The following NELL1 variants were observed in gnomAD, a reference collection of about 807,000 sequenced individuals.
NELL1 encodes the protein neural EGFL like 1, also known as protein kinase C-binding protein NELL1.
NELL1 carries 76 observed loss-of-function variants against 107.4 expected under a neutral mutation model. The observed-to-expected ratio is 0.71, with a 90% CI of 0.59 to 0.86. NELL1 has a LOEUF of 0.86. NELL1 is among the 40% of genes least tolerant of loss of function. NELL1 has a pLI of 0.00. For synonymous variants in NELL1, 353 were observed against 341.2 expected (o/e 1.03, Z -0.38); for missense variants, 1,024 against 1,005.5 (o/e 1.02, Z -0.25).
intron 12 of NELL1, among the ~76,000 whole-genome samples, chr11:21,071,754 C>T (rs778791577): frequency 1.3e-5 from 2 of 152,266 alleles, no homozygotes; most frequent in African/African-American, 2.4e-5. Flanking sequence ...AATCAAAGCT[C>T]GGCTCTAAGA....
chr11:20,820,190 T>C (rs927958942), intron 3 of NELL1, among the ~76,000 whole-genome samples: 5 of 152,104 alleles, frequency 3.3e-5, no homozygotes, highest in African/African-American at 1.2e-4. Flanking sequence ...TGGAGAACAG[T>C]GATGTTTTGA....
chr11:20,780,883 G>T (rs1396317529), intron 2 of NELL1, among the ~76,000 whole-genome samples: 1 of 152,128 alleles, frequency 6.6e-6, no homozygotes, highest in Non-Finnish European at 1.5e-5. Flanking sequence ...AGTGTGAATG[G>T]GGTGGGAAAG....
chr11:20,871,635 T>TA (rs1849199644), intron 4 of NELL1, among the ~76,000 whole-genome samples: 2 of 95,448 alleles, frequency 2.1e-5, no homozygotes, highest in Admixed American at 2.4e-4. Flanking sequence ...CTTTCTCATT[T>TA]TTTTTTTATT....
chr11:21,313,992 G>GCCACCC (rs1849809609), intron 14 of NELL1, among the ~76,000 whole-genome samples: 2 of 55,580 alleles, frequency 3.6e-5, no homozygotes, highest in African/African-American at 6.6e-5. Flanking sequence ...CCTACACTCT[G>GCCACCC]CCCCCCCCCC....
intron 17 of NELL1, among the ~76,000 whole-genome samples, chr11:21,562,057 G>T (rs1041121067): frequency 6.6e-6 from 1 of 151,898 alleles, no homozygotes; most frequent in African/African-American, 2.4e-5. Flanking sequence ...TCCTTTTTGG[G>T]CTTTCTAGGT....
intron 4 of NELL1, among the ~76,000 whole-genome samples, chr11:20,848,433 G>A (rs368011675): frequency 2.3e-4 from 35 of 152,216 alleles, no homozygotes; most frequent in Middle Eastern, 3.4e-3. Context: ...GGAGTCCATT[G>A]GTTTCTATTG....
intron 2 of NELL1, among the ~76,000 whole-genome samples, chr11:20,732,741 T>C (rs185912336): frequency 5.3e-5 from 8 of 152,242 alleles, no homozygotes; most frequent in Admixed American, 5.2e-4. Flanking sequence ...AGAGAGAAAA[T>C]CCTGGAAAGT....
intron 12 of NELL1, among the ~76,000 whole-genome samples, chr11:20,983,250 C>T (rs1851784951): frequency 6.6e-6 from 1 of 152,080 alleles, no homozygotes; most frequent in Non-Finnish European, 1.5e-5. Flanking sequence ...GAATTTGTGC[C>T]ACCTCTTGGC....
At chr11:20,747,386 A>G (rs548571345) in intron 2 of NELL1, among the ~76,000 whole-genome samples, 1 of 152,340 alleles carries the variant, frequency 6.6e-6, no homozygotes, top group East Asian at 1.9e-4. Flanking sequence ...ATGAAAAGGA[A>G]GAGCTATTCA....
At chr11:20,854,131 AC>A (rs1410536974) in intron 4 of NELL1, among the ~76,000 whole-genome samples, 6 of 152,200 alleles carry the variant, frequency 3.9e-5, no homozygotes, top group African/African-American at 1.4e-4. Flanking sequence ...CCTAAAGCCC[AC>A]ATGGATGAGC....
chr11:20,760,956 G>T (rs1488898042), intron 2 of NELL1, among the ~76,000 whole-genome samples: 1 of 152,146 alleles, frequency 6.6e-6, no homozygotes, highest in Non-Finnish European at 1.5e-5. Flanking sequence ...TTCTCAGAGT[G>T]CCAAAAGCCG....
chr11:20,875,219 A>G (rs1455084861), intron 4 of NELL1, among the ~76,000 whole-genome samples: 1 of 151,998 alleles, frequency 6.6e-6, no homozygotes, highest in African/African-American at 2.4e-5. Flanking sequence ...TTACCCTTAG[A>G]TCTCACATTC....
At chr11:21,494,886 T>C (rs951861696) in intron 15 of NELL1, among the ~76,000 whole-genome samples, 5 of 152,080 alleles carry the variant, frequency 3.3e-5, no homozygotes, top group African/African-American at 9.7e-5. Context: ...CAATATTTAT[T>C]CTTTTTTAGA....
At chr11:20,860,436 C>G (rs570407120) in intron 4 of NELL1, among the ~76,000 whole-genome samples, 25 of 152,278 alleles carry the variant, frequency 1.6e-4, no homozygotes, top group African/African-American at 5.8e-4. Context: ...CTTGTGGCCA[C>G]TGATCCTCAC....
intron 14 of NELL1, among the ~76,000 whole-genome samples, chr11:21,338,825 A>G (rs774549543): frequency 3.3e-5 from 5 of 152,198 alleles, no homozygotes; most frequent in Non-Finnish European, 5.9e-5. Context: ...GCAAAGTTTC[A>G]AGAGGAGCAG....
chr11:21,442,942 CTTTTTTTTTTTT>C (rs66501874), intron 15 of NELL1, among the ~76,000 whole-genome samples: 10 of 57,566 alleles, frequency 1.7e-4, no homozygotes, highest in African/African-American at 2.5e-4. Flanking sequence ...GCTATCTTTC[CTTTTTTTTTTTT>C]TTTTTTTTTT....
At chr11:20,843,195 T>C (rs1331307777) in intron 3 of NELL1, among the ~76,000 whole-genome samples, 5 of 152,042 alleles carry the variant, frequency 3.3e-5, no homozygotes, top group Non-Finnish European at 7.4e-5. Context: ...CTGCTAGGGG[T>C]ACACGCTGGG....
rs1849990976 is a variant in NELL1, at chr11:20,906,064, A to G, written c.604-12118A>G. ...CAAGACATGACTGTCAAATACAAGG[A>G]CTTCTTCATGAGATTAGCAGTAAAT... On this transcript the variant is annotated intron_variant, in intron 5 of 19. Transcript: ENST00000357134. Among the ~76,000 whole-genome samples, 4 of 152,100 alleles carry G rather than the reference A, an allele frequency of 2.6e-5. No individual in the cohort carries two copies. The South Asian group carries it at 8.3e-4, about 31-fold the overall frequency.
chr11:21,149,553 C>A (rs993186137), intron 13 of NELL1, among the ~76,000 whole-genome samples: 1 of 152,192 alleles, frequency 6.6e-6, no homozygotes, highest in South Asian at 2.1e-4. Context: ...TCCCCTGCCC[C>A]ACATGATTCA....
Sources: allele counts gnomAD v4.1 joint callset (sites outside exome capture counted in the v4.1 genomes callset), GRCh38; gene constraint gnomAD v4.1.1; transcripts MANE v1.5; gene names NCBI Gene and HGNC (gene_info 2026-07-23, HGNC 2026-07-21).